EPC2: variants seen among roughly 807,000 people sequenced by gnomAD.
EPC2 encodes the protein enhancer of polycomb 2, also known as enhancer of polycomb homolog 2.
In EPC2, 14 loss-of-function variants were observed where a neutral mutation model predicts 92.1. The ratio of observed to expected loss-of-function variants is 0.15; its 90% CI spans 0.10 to 0.24. EPC2 has a LOEUF of 0.24. EPC2 is among the 10% of genes least tolerant of loss of function. The pLI is 1.00. For synonymous variants in EPC2, 340 were observed against 334.7 expected (o/e 1.02, Z -0.17); for missense variants, 755 against 971.5 (o/e 0.78, Z 2.96).
At chr2:148,678,522 G>C (rs1681322296) in intron 1 of EPC2, among the ~76,000 whole-genome samples, 1 of 152,262 alleles carries the variant, frequency 6.6e-6, no homozygotes, top group Admixed American at 6.5e-5. Flanking sequence ...GGCATGGCGG[G>C]CTGCAGGTCC....
intron 2 of EPC2, among the ~76,000 whole-genome samples, chr2:148,693,929 T>G (rs1001790026): frequency 1.3e-5 from 2 of 152,196 alleles, no homozygotes; most frequent in Non-Finnish European, 2.9e-5. Context: ...CTGACCACCT[T>G]CAGTTGTGAT....
chr2:148,719,853 A>G (rs1022488196), intron 2 of EPC2, among the ~76,000 whole-genome samples: 1 of 152,286 alleles, frequency 6.6e-6, no homozygotes, highest in African/African-American at 2.4e-5. Context: ...CAAACAGCCA[A>G]GGTGGCAACC....
chr2:148,756,779 G>A (rs1245747954), intron 4 of EPC2, among the ~76,000 whole-genome samples: 1 of 152,200 alleles, frequency 6.6e-6, no homozygotes. Flanking sequence ...GTTAAGAGAG[G>A]AAATTCCCAG....
intron 2 of EPC2, among the ~76,000 whole-genome samples, chr2:148,733,997 C>G (rs1250215317): frequency 2.0e-5 from 3 of 151,972 alleles, no homozygotes; most frequent in Admixed American, 1.3e-4. Flanking sequence ...CTTTTCTTTT[C>G]CAAGAAAATG....
intron 2 of EPC2, among the ~76,000 whole-genome samples, chr2:148,739,827 C>CTTTTTTTTTTTTTTTT (rs1682842987): frequency 1.2e-5 from 1 of 85,398 alleles, no homozygotes; most frequent in Non-Finnish European, 2.2e-5. Flanking sequence ...TTCTTTTCTT[C>CTTTTTTTTTTTTTTTT]TTCTTCTTTT....
chr2:148,672,918 G>A (rs1447946415), intron 1 of EPC2, among the ~76,000 whole-genome samples: 1 of 152,088 alleles, frequency 6.6e-6, no homozygotes, highest in East Asian at 1.9e-4. Context: ...TTATCTGGGA[G>A]GTTTTTATTT....
intron 1 of EPC2, among the ~76,000 whole-genome samples, chr2:148,678,005 C>T (rs1190591989): frequency 6.6e-6 from 1 of 152,194 alleles, no homozygotes; most frequent in South Asian, 2.1e-4. Flanking sequence ...GTTGCCACTG[C>T]TGGCTCCCGC....
chr2:148,776,856 C>CTCTCTTTT (rs1247135854), intron 10 of EPC2, among the ~76,000 whole-genome samples: 3 of 101,040 alleles, frequency 3.0e-5, no homozygotes, highest in African/African-American at 1.1e-4. Context: ...GTCTCTCTCT[C>CTCTCTTTT]TTTTTTTTTT....
At chr2:148,776,854 C>CTTTTTT (rs1558838031) in intron 10 of EPC2, among the ~76,000 whole-genome samples, 1 of 90,052 alleles carries the variant, frequency 1.1e-5, no homozygotes, top group Non-Finnish European at 2.1e-5. Context: ...CTGTCTCTCT[C>CTTTTTT]TCTTTTTTTT....
intron 2 of EPC2, among the ~76,000 whole-genome samples, chr2:148,706,190 A>G (rs1038683692): frequency 2.6e-5 from 4 of 152,164 alleles, no homozygotes; most frequent in African/African-American, 9.7e-5. Context: ...ATGGCACGAG[A>G]GCTTCGTGAT....
rs750169340 is a variant in EPC2, at chr2:148,781,741, A to G, written c.1818A>G (p.Gln606=). The part of the protein sequence containing the change: ...QQLAQLQQKQ[Q]SQHSSQQTHP... ...TTGCCCAGCTTCAGCAGAAACAGCA[A>G]TCTCAGCATTCCTCGCAACAGACAC... The change falls in exon 11 of 14, where the codon CAA becomes CAG. Residue 606 remains glutamine (Q), a synonymous_variant. Coordinates refer to ENST00000258484, the MANE Select transcript of EPC2 (RefSeq NM_015630.4). 49 of 1,613,892 alleles carry G rather than the reference A, an allele frequency of 3.0e-5. No individual in the cohort carries two copies. Among genetic ancestry groups the G allele is most frequent in the Non-Finnish European group, 3.8e-5 (45 of 1,179,884 alleles).
At chr2:148,693,458 T>G (rs114779045) in intron 2 of EPC2, among the ~76,000 whole-genome samples, 4 of 152,354 alleles carry the variant, frequency 2.6e-5, no homozygotes, top group Non-Finnish European at 4.4e-5. Context: ...GATAAAATTT[T>G]TAACATCTTT....
intron 1 of EPC2, among the ~76,000 whole-genome samples, chr2:148,649,784 C>T (rs1015928601): frequency 4.5e-4 from 69 of 152,320 alleles, no homozygotes; most frequent in African/African-American, 1.5e-3. Flanking sequence ...CCAGAGTTAT[C>T]TTCTGAACTG....
intron 8 of EPC2, 65 bp downstream of exon 8, chr2:148,769,305 A>ACTAAGTCATCT: frequency 4.4e-6 from 5 of 1,141,416 alleles, no homozygotes; most frequent in Non-Finnish European, 6.5e-6. Flanking sequence ...CCATGTCAAG[A>ACTAAGTCATCT]TGACTTAGTC....
At chr2:148,698,913 G>C (rs1246670984) in intron 2 of EPC2, among the ~76,000 whole-genome samples, 1 of 150,218 alleles carries the variant, frequency 6.7e-6, no homozygotes. Flanking sequence ...GACTGTCATA[G>C]AGTAAGCATT....
chr2:148,748,692 A>AT (rs35427965), intron 3 of EPC2, among the ~76,000 whole-genome samples: 10 of 152,034 alleles, frequency 6.6e-5, no homozygotes, highest in Admixed American at 1.3e-4. Context: ...TCTGAAGGTA[A>AT]TTTTTTTACA....
chr2:148,719,673 A>G (rs1380481287), intron 2 of EPC2, among the ~76,000 whole-genome samples: 1 of 152,160 alleles, frequency 6.6e-6, no homozygotes, highest in Non-Finnish European at 1.5e-5. Context: ...GGGTGGTTGG[A>G]GACCCCAGTT....
intron 1 of EPC2, among the ~76,000 whole-genome samples, chr2:148,678,123 T>G (rs1681309424): frequency 6.6e-6 from 1 of 152,212 alleles, no homozygotes; most frequent in East Asian, 1.9e-4. Flanking sequence ...ATCCCTGAGC[T>G]AGACACAAAG....
chr2:148,676,417 C>T (rs1044601646), intron 1 of EPC2, among the ~76,000 whole-genome samples: 1 of 150,698 alleles, frequency 6.6e-6, no homozygotes, highest in Non-Finnish European at 1.5e-5. Flanking sequence ...AATTAAAATG[C>T]AATATTTTTA....
Sources: allele counts gnomAD v4.1 joint callset (sites outside exome capture counted in the v4.1 genomes callset), GRCh38; gene constraint gnomAD v4.1.1; transcripts MANE v1.5; gene names NCBI Gene and HGNC (gene_info 2026-07-23, HGNC 2026-07-21).